The following MARCHF1 variants were observed in gnomAD, a reference collection of about 807,000 sequenced individuals.
The protein encoded by MARCHF1 is membrane associated ring-CH-type finger 1.
Under a neutral mutation model 54.2 loss-of-function variants are expected in MARCHF1, and 40 were observed. That is an observed-to-expected ratio of 0.74 (90% CI 0.57 to 0.96). MARCHF1 has a LOEUF of 0.96. Ranked by LOEUF, MARCHF1 falls within the 40% of genes least tolerant of loss-of-function variation. The pLI, the probability that MARCHF1 is intolerant of heterozygous loss-of-function variation, is 0.00. For synonymous variants in MARCHF1, 236 were observed against 236.3 expected (o/e 1.00, Z 0.01); for missense variants, 586 against 656.5 (o/e 0.89, Z 1.17).
intron 3 of MARCHF1, among the ~76,000 whole-genome samples, chr4:163,976,906 G>T (rs6536766): frequency 0.64 from 97,267 of 151,890 alleles, 31,304 homozygotes; most frequent in East Asian, 0.89. Context: ...GCCAAACACA[G>T]TTAAGCATCA....
intron 2 of MARCHF1, among the ~76,000 whole-genome samples, chr4:164,090,349 A>T (rs1755272716): frequency 6.6e-6 from 1 of 152,138 alleles, no homozygotes; most frequent in South Asian, 2.1e-4. Flanking sequence ...CCAATTAGTC[A>T]TTCTACTTCT....
chr4:163,774,387 A>C (rs1237226151), intron 4 of MARCHF1, among the ~76,000 whole-genome samples: 1 of 152,196 alleles, frequency 6.6e-6, no homozygotes. Context: ...GAATGTATCC[A>C]ATGTTTCCAC....
chr4:164,189,524 C>T, intron 1 of MARCHF1: 1 of 786,860 alleles, frequency 1.3e-6, no homozygotes, highest in Non-Finnish European at 2.3e-6. Flanking sequence ...GGCAAGGAGT[C>T]CTCCCATGGC....
chr4:163,847,612 A>C (rs968146846), intron 4 of MARCHF1, among the ~76,000 whole-genome samples: 1 of 98,722 alleles, frequency 1.0e-5, no homozygotes, highest in African/African-American at 4.1e-5. Context: ...ATGGAGTCCC[A>C]CTCTGTCACC....
At chr4:164,273,177 C>T (rs1236372502) in intron 1 of MARCHF1, among the ~76,000 whole-genome samples, 11 of 151,868 alleles carry the variant, frequency 7.2e-5, no homozygotes, top group Admixed American at 6.6e-4. Flanking sequence ...GCTCACAGTT[C>T]AGTACAGCTT....
At chr4:164,190,276 A>G (rs977767284) in intron 1 of MARCHF1, 20 of 903,056 alleles carry the variant, frequency 2.2e-5, no homozygotes, top group Admixed American at 6.5e-5. Context: ...AGCAAACTCT[A>G]TGGAAGTGCA....
chr4:164,032,893 G>A (rs535185181), intron 2 of MARCHF1, among the ~76,000 whole-genome samples: 14 of 152,144 alleles, frequency 9.2e-5, no homozygotes, highest in East Asian at 3.9e-4. Context: ...CATGCTACCC[G>A]ACTTCAAACT....
Position 164,108,605 on chromosome 4 carries a change from T to C in MARCHF1, c.-248+2983A>G, listed in dbSNP as rs866886153. On this transcript the variant is annotated intron_variant, in intron 2 of 9. Transcript: ENST00000514618. ...AGCAATTTAGAAGCAGTGGTCATAT[T>C]TGGCACTTCTATTCCTCACAGTTTT... Among the ~76,000 whole-genome samples, 56 of 152,246 alleles carry C rather than the reference T, an allele frequency of 3.7e-4. No homozygotes were observed. In the Middle Eastern group the frequency reaches 0.01, roughly 28 times the overall value.
intron 1 of MARCHF1, among the ~76,000 whole-genome samples, chr4:164,142,589 C>T (rs1291526643): frequency 1.3e-5 from 2 of 152,152 alleles, no homozygotes; most frequent in African/African-American, 4.8e-5. Context: ...CCAGGTACTC[C>T]AACAGACCTG....
Position 163,879,076 on chromosome 4 carries a change from G to A in MARCHF1, c.-38-24907C>T, listed in dbSNP as rs530686864. On this transcript the variant is annotated intron_variant, in intron 3 of 9. Transcript: ENST00000514618. The stretch of plus-strand genomic sequence containing the variant: ...AAATCATGAACAGTAAAGAATGTAA[G>A]ATTTCTTGAATTTTAGAAGGAAAAC... Among the ~76,000 whole-genome samples, 3 of 152,328 alleles carry A rather than the reference G, an allele frequency of 2.0e-5. No individual in the cohort carries two copies. The South Asian group carries it at 6.2e-4, about 32-fold the overall frequency.
At chr4:164,353,826 TG>T (rs1730426864) in intron 1 of MARCHF1, among the ~76,000 whole-genome samples, 1 of 142,602 alleles carries the variant, frequency 7.0e-6, no homozygotes, top group Non-Finnish European at 1.5e-5. Context: ...ATCCAGGAAC[TG>T]GTTTTTTGAA....
intron 4 of MARCHF1, among the ~76,000 whole-genome samples, chr4:163,836,956 C>T (rs1017142066): frequency 6.6e-6 from 1 of 151,760 alleles, no homozygotes; most frequent in Non-Finnish European, 1.5e-5. Flanking sequence ...AATAATTGCT[C>T]GTATATAATA....
At chr4:164,006,499 A>T (rs183433182) in intron 2 of MARCHF1, among the ~76,000 whole-genome samples, 49 of 152,276 alleles carry the variant, frequency 3.2e-4, no homozygotes, top group African/African-American at 1.2e-3. Flanking sequence ...CAAATTAACA[A>T]ATCTAAGAGT....
intron 2 of MARCHF1, among the ~76,000 whole-genome samples, chr4:164,011,174 A>T (rs935133573): frequency 6.6e-6 from 1 of 152,190 alleles, no homozygotes; most frequent in Non-Finnish European, 1.5e-5. Context: ...AGAAAAAAAA[A>T]TCTTTGGGAA....
At chr4:163,969,909 A>G (rs1335905998) in intron 3 of MARCHF1, among the ~76,000 whole-genome samples, 8 of 152,182 alleles carry the variant, frequency 5.3e-5, no homozygotes, top group South Asian at 2.1e-4. Flanking sequence ...AGTGTGGAAG[A>G]AAATCATTGT....
At chr4:164,264,467 A>C (rs543527956) in intron 1 of MARCHF1, among the ~76,000 whole-genome samples, 88 of 151,486 alleles carry the variant, frequency 5.8e-4, no homozygotes, top group Middle Eastern at 6.9e-3. Flanking sequence ...AATGCCCCTA[A>C]ACTTAAAATA....
chr4:163,933,859 C>T (rs1560825766), intron 3 of MARCHF1, among the ~76,000 whole-genome samples: 1 of 152,216 alleles, frequency 6.6e-6, no homozygotes. Flanking sequence ...TCCTTATTCA[C>T]TCTTTATTTG....
chr4:163,632,762 G>T (rs1269060570), intron 5 of MARCHF1, among the ~76,000 whole-genome samples: 1 of 152,266 alleles, frequency 6.6e-6, no homozygotes, highest in African/African-American at 2.4e-5. Flanking sequence ...AAGGAGGCCT[G>T]CCTGCCTCTG....
intron 1 of MARCHF1, among the ~76,000 whole-genome samples, chr4:164,301,117 A>G (rs1188524469): frequency 6.6e-6 from 1 of 152,176 alleles, no homozygotes; most frequent in East Asian, 1.9e-4. Context: ...CATAATTAAT[A>G]TATTTAATAT....
Sources: gnomAD v4.1 joint callset for allele counts (sites outside exome capture counted in the v4.1 genomes callset) on GRCh38, gnomAD v4.1.1 for gene constraint, MANE v1.5 for transcripts, NCBI Gene and HGNC (gene_info 2026-07-23, HGNC 2026-07-21) for gene names.